The following SPTB variants were observed in gnomAD, a reference collection of about 807,000 sequenced individuals.
SPTB encodes the protein spectrin beta chain, erythrocytic.
A neutral mutation model predicts 256.2 loss-of-function variants in SPTB; 45 were observed. The ratio of observed to expected loss-of-function variants is 0.18; its 90% CI spans 0.14 to 0.23. The LOEUF (loss-of-function observed/expected upper bound fraction) is 0.23, where lower values mean the gene tolerates loss of function less well. Among genes scored for constraint, SPTB ranks in the 10% least tolerant of loss-of-function variants. The pLI, the probability that SPTB is intolerant of heterozygous loss-of-function variation, is 1.00. For synonymous variants in SPTB, 1,231 were observed against 1,243.1 expected (o/e 0.99, Z 0.21); for missense variants, 2,715 against 3,040.4 (o/e 0.89, Z 2.52).
intron 24 of SPTB, among the ~76,000 whole-genome samples, chr14:64,773,927 T>C (rs1594760597): frequency 6.6e-6 from 1 of 152,136 alleles, no homozygotes; most frequent in Admixed American, 6.5e-5. Flanking sequence ...GGGCAGTGTG[T>C]GGTCTGTGGC....
intron 32 of SPTB, among the ~76,000 whole-genome samples, chr14:64,766,047 G>A (rs545374514): frequency 1.6e-4 from 23 of 147,420 alleles, no homozygotes; most frequent in African/African-American, 5.2e-4. Context: ...GTGTGTGGGT[G>A]TGCGTGAGGT....
rs549503754 is a variant in SPTB, at chr14:64,766,172, A to G, written c.6345+554T>C. ...GTGTGGTGTGTTTGTGTGTATGTGTATGTGTGTGTGTATGTGTATGTGGGT... is the reference window on the plus strand; with the variant it reads ...GTGTGGTGTGTTTGTGTGTATGTGTGTGTGTGTGTGTATGTGTATGTGGGT... On this transcript the variant is annotated intron_variant, in intron 32 of 35. Transcript: ENST00000644917. Among the ~76,000 whole-genome samples, 46 of 125,518 alleles carry G rather than the reference A, an allele frequency of 3.7e-4. No individual in the cohort carries two copies. The South Asian group carries it at 5.1e-3, about 14-fold the overall frequency. The allele number at this position is 125,518 out of a possible 152,430, so 82.3% of individuals were successfully genotyped here. A position where few individuals can be genotyped will look rare whatever the true frequency, so the allele number is the denominator to read the frequency against.
chr14:64,770,581 T>C (rs962803518), intron 27 of SPTB, among the ~76,000 whole-genome samples: 1 of 152,182 alleles, frequency 6.6e-6, no homozygotes, highest in Non-Finnish European at 1.5e-5. Flanking sequence ...TTTGGATATG[T>C]GAGTTGCTTA....
intron 2 of SPTB, among the ~76,000 whole-genome samples, chr14:64,817,449 CA>C (rs1486594217): frequency 6.6e-6 from 1 of 152,208 alleles, no homozygotes. Flanking sequence ...ATCTGAGAAG[CA>C]AAAACATTAC....
chr14:64,857,127 T>C (rs892633754), intron 1 of SPTB, among the ~76,000 whole-genome samples: 1 of 152,080 alleles, frequency 6.6e-6, no homozygotes, highest in African/African-American at 2.4e-5. Flanking sequence ...AATACACAAA[T>C]TTGATAGTGA....
intron 2 of SPTB, among the ~76,000 whole-genome samples, chr14:64,818,699 C>T (rs2083235698): frequency 6.6e-6 from 1 of 152,220 alleles, no homozygotes; most frequent in East Asian, 1.9e-4. Context: ...ATCCAGACGG[C>T]CACAAATGCT....
At chr14:64,821,699 G>A (rs1455199291) in intron 2 of SPTB, among the ~76,000 whole-genome samples, 3 of 152,226 alleles carry the variant, frequency 2.0e-5, no homozygotes, top group Admixed American at 6.5e-5. Flanking sequence ...CAAGGAGGGT[G>A]AGAAGGAGAT....
chr14:64,801,690 T>C (rs1304125220), intron 6 of SPTB, 64 bp downstream of exon 6: 10 of 1,491,486 alleles, frequency 6.7e-6, no homozygotes, highest in Non-Finnish European at 9.4e-6. Flanking sequence ...TTAAGTGCAA[T>C]GTGTCCAAAT....
chr14:64,790,825 C>T lies in SPTB; in HGVS notation c.2804+894G>A, dbSNP rs2082656687. Among the ~76,000 whole-genome samples the T allele has an allele frequency of 6.6e-6, 1 of 152,170 alleles. No individual in the cohort carries two copies. Among genetic ancestry groups the T allele is most frequent in the South Asian group, 2.1e-4 (1 of 4,836 alleles). ...CATTTGCGGTGTCCTCAAAGATCCT[C>T]CAGGAACTCATGGGCAATTTCACCC... On this transcript the variant is annotated intron_variant, in intron 15 of 35. Coordinates refer to ENST00000644917, the MANE Select transcript of SPTB (RefSeq NM_001355436.2). The surrounding 1 kb of genome is among the most constrained non-coding windows in gnomAD (Gnocchi z 4.8).
rs2082755725 is a variant in SPTB, at chr14:64,795,683, G to T, written c.1342-44C>A. On this transcript the variant is annotated intron_variant, in intron 11 of 35. Transcript: ENST00000644917. The surrounding 1 kb of genome is among the most constrained non-coding windows in gnomAD (Gnocchi z 6.5). ...AACAGGCAGCTCAGTCAGACACCCA[G>T]GGGCTCATCCCCAAACTCAGGGACA... The T allele has an allele frequency of 1.2e-6, 2 of 1,606,148 alleles. No individual in the cohort carries two copies. The highest frequency in any genetic ancestry group is 1.1e-5 in the South Asian group (1 of 90,768).
At position 64,807,656 on chromosome 14, in the gene SPTB, G is replaced by A. The variant is rs1171926292; in HGVS notation, c.149-2566C>T. ...CCCAAGGTGAGAGGCATTTCCATGA[G>A]CTGGCTGGCTCCAGCCGCCTGGCAT... On this transcript the variant is annotated intron_variant, in intron 2 of 35. Coordinates refer to ENST00000644917, the MANE Select transcript of SPTB (RefSeq NM_001355436.2). This position sits in a 1 kb window ranked among gnomAD's most constrained non-coding sequence, Gnocchi z 4.7. Among the ~76,000 whole-genome samples, 1 of 152,284 alleles carries A rather than the reference G, an allele frequency of 6.6e-6. No homozygotes were observed.
At chr14:64,800,683 G>T in intron 8 of SPTB, 73 bp downstream of exon 8, 1 of 1,344,474 alleles carries the variant, frequency 7.4e-7, no homozygotes, top group Non-Finnish European at 1.1e-6. Context: ...TTCTTTGGTT[G>T]GAAAGAGGGC....
At chr14:64,851,255 C>T (rs1594842764) in intron 1 of SPTB, among the ~76,000 whole-genome samples, 1 of 152,332 alleles carries the variant, frequency 6.6e-6, no homozygotes, top group South Asian at 2.1e-4. Context: ...GTCATGGGTT[C>T]AAATTCCAGC....
At chr14:64,774,592 G>T in intron 23 of SPTB, 65 bp from the exon 24 acceptor site, 1 of 1,549,640 alleles carries the variant, frequency 6.5e-7, no homozygotes, top group South Asian at 1.2e-5. Context: ...TTGGCAAGTT[G>T]TGCCCCCACT....
At chr14:64,859,720 C>CTA (rs754269849) in intron 1 of SPTB, among the ~76,000 whole-genome samples, 64 of 17,866 alleles carry the variant, frequency 3.6e-3, no homozygotes, top group East Asian at 0.017. Flanking sequence ...CTCTCTCTCT[C>CTA]TATATATATA....
At chr14:64,811,397 C>T (rs2083088119) in intron 2 of SPTB, among the ~76,000 whole-genome samples, 1 of 152,118 alleles carries the variant, frequency 6.6e-6, no homozygotes, top group Non-Finnish European at 1.5e-5. Flanking sequence ...TAATAATGGT[C>T]CTTAATTTGT....
Position 64,772,446 on chromosome 14 carries a change from A to T in SPTB, c.5553+134T>A, listed in dbSNP as rs1388560347. The T allele has an allele frequency of 3.3e-6, 4 of 1,222,262 alleles. No individual in the cohort carries two copies. Among genetic ancestry groups the T allele is most frequent in the Non-Finnish European group, 4.5e-6 (4 of 890,346 alleles). 75.7% of individuals were successfully genotyped at this position (1,222,262 alleles called of 1,614,324 possible). A position where few individuals can be genotyped will look rare whatever the true frequency, so the allele number is the denominator to read the frequency against. On this transcript the variant is annotated intron_variant, in intron 26 of 35. Transcript: ENST00000644917. This position sits in a 1 kb window ranked among gnomAD's most constrained non-coding sequence, Gnocchi z 5.4. ...CTGAAAGCCACTGCTCCCAGCCCTG[A>T]GCTCCTGGCTGTCTAAGGAGGCAAA...
In SPTB at chr14:64,749,997, GCTT is replaced by G. The variant is rs753593714; in HGVS notation, c.6757_6759del (p.Lys2253del). ...AGGCCTCACCTCAGCTTAAAGACGT[GCTT>G]CTTCTTCTTGTAGTTGGCAGCAATC... On this transcript the variant is annotated inframe_deletion, in exon 34 of 36. Coordinates refer to ENST00000644917, the MANE Select transcript of SPTB (RefSeq NM_001355436.2). This position sits in a 1 kb window ranked among gnomAD's most constrained non-coding sequence, Gnocchi z 4.7. 561 of 1,614,198 alleles carry G rather than the reference GCTT, an allele frequency of 3.5e-4. No individual in the cohort carries two copies. Among genetic ancestry groups the G allele is most frequent in the Non-Finnish European group, 4.3e-4 (503 of 1,180,030 alleles).
chr14:64,773,301 G>C lies in SPTB; in HGVS notation c.5097C>G (p.Thr1699=), dbSNP rs535528314. 1.2e-6 allele frequency: 2 copies of C among 1,614,054 alleles called. No individual in the cohort carries two copies. The highest frequency in any genetic ancestry group is 1.3e-5 in the African/African-American group (1 of 74,910). ...MYHLFQLKRE[T]DDLEQWISEK... Reference sequence around the variant, plus strand: ...CTGAAATCCACTGCTCCAGGTCGTCGGTCTCCCGCTTGAGCTGGAACAGGT... The same window carrying C: ...CTGAAATCCACTGCTCCAGGTCGTCCGTCTCCCGCTTGAGCTGGAACAGGT... The change falls in exon 25 of 36, where the codon ACC becomes ACG. Residue 1699 remains threonine, a synonymous_variant. Coordinates refer to ENST00000644917, the MANE Select transcript of SPTB (RefSeq NM_001355436.2).
Sources: allele counts gnomAD v4.1 joint callset (sites outside exome capture counted in the v4.1 genomes callset), GRCh38; gene constraint gnomAD v4.1.1; non-coding constraint Gnocchi (gnomAD v3.1); transcripts MANE v1.5; gene names NCBI Gene and HGNC (gene_info 2026-07-23, HGNC 2026-07-21).